The following CA12 variants were observed in gnomAD, a reference collection of about 807,000 sequenced individuals.
The protein encoded by CA12 is carbonate dehydratase XII.
In CA12, 36 loss-of-function variants were observed where a neutral mutation model predicts 46.8. That is an observed-to-expected ratio of 0.77 (90% CI 0.59 to 1.02). The LOEUF is 1.02. Among genes scored for constraint, CA12 ranks in the 50% least tolerant of loss-of-function variants. The pLI is 0.00. For missense variants in CA12, 436 were observed against 451.4 expected (o/e 0.97, Z 0.31); for synonymous variants, 202 against 187.0 (o/e 1.08, Z -0.65).
rs755696332 is a variant in CA12 at position 63,346,703 on chromosome 15, T to C, written c.113A>G (p.Asp38Gly). 1 of 1,614,164 alleles carries C rather than the reference T, an allele frequency of 6.2e-7. No individual in the cohort carries two copies. ...NGSKWTYFGP[D>G]GENSWSKKYP... ...CTTCTTGGACCAGCTATTCTCCCCA[T>C]CAGGACCTGGACACAGAGATCCATG... The change falls in exon 3 of 11, where the codon GAT becomes GGT. Residue 38 changes from aspartate (D) to glycine (G), a missense_variant. Asp to Gly is a moderately conservative substitution (Grantham distance 94). Coordinates refer to ENST00000178638, the MANE Select transcript of CA12 (RefSeq NM_001218.5).
Position 63,340,203 on chromosome 15 carries a change from G to A in CA12, c.747+85C>T. 6.9e-7 allele frequency: 1 copy of A among 1,448,136 alleles called. No homozygotes were observed. Among genetic ancestry groups the A allele is most frequent in the Non-Finnish European group, 9.7e-7 (1 of 1,034,032 alleles). The allele number at this position is 1,448,136 out of a possible 1,614,324, so 89.7% of individuals were successfully genotyped here. On this transcript the variant is annotated intron_variant, in intron 7 of 10. Transcript: ENST00000178638. This position sits in a 1 kb window ranked among gnomAD's most constrained non-coding sequence, Gnocchi z 4.4. ...AGAGCTGCCAATGAAACTAAATGAG[G>A]AAATCAAGTCATTGATTGTGATATG... is the stretch of plus-strand genomic sequence containing the variant.
In CA12 at chr15:63,329,333, G is replaced by C. The variant is rs2038907082; in HGVS notation, c.875-1203C>G. ...CTCAGTGTGGCTGAACCCGTGCCCA[G>C]CTACCTAAGTCTCACAGTCAGCCTA... On this transcript the variant is annotated intron_variant, in intron 8 of 10. Transcript: ENST00000178638. The surrounding 1 kb of genome is among the most constrained non-coding windows in gnomAD (Gnocchi z 4.8). 6.6e-6 allele frequency among the ~76,000 whole-genome samples: 1 copy of C among 152,118 alleles called. No individual in the cohort carries two copies. The highest frequency in any genetic ancestry group is 6.5e-5 in the Admixed American group (1 of 15,282).
rs1234280989 is a variant in CA12, at chr15:63,330,651, G to A, written c.875-2521C>T. 6.6e-6 allele frequency among the ~76,000 whole-genome samples: 1 copy of A among 152,178 alleles called. No individual in the cohort carries two copies. The highest frequency in any genetic ancestry group is 1.9e-4 in the East Asian group (1 of 5,186). On this transcript the variant is annotated intron_variant, in intron 8 of 10. Coordinates refer to ENST00000178638, the MANE Select transcript of CA12 (RefSeq NM_001218.5). This position sits in a 1 kb window ranked among gnomAD's most constrained non-coding sequence, Gnocchi z 4.0. ...CCTTCATGCCTGGTCTTGGGGAGCT[G>A]AGCAAAGTCTATGGAGAGCAAGGCC...
rs776920111 is a variant in CA12, at chr15:63,372,770, TAGCTGTCTTCC to T, written c.106+2877_106+2887del. On this transcript the variant is annotated intron_variant, in intron 2 of 10. Transcript: ENST00000178638. This position sits in a 1 kb window ranked among gnomAD's most constrained non-coding sequence, Gnocchi z 4.5. ...AGACCTCAGGAGGAGTTTGCCTCCT[TAGCTGTCTTCC>T]ATCTGTCCTCTCCTGCACGTCCCCT... 2.6e-5 allele frequency among the ~76,000 whole-genome samples: 4 copies of T among 152,180 alleles called. No homozygotes were observed. The highest frequency in any genetic ancestry group is 5.9e-5 in the Non-Finnish European group (4 of 68,028).
chr15:63,329,787 G>A lies in CA12; in HGVS notation c.875-1657C>T, dbSNP rs2038911831. ...CTCCCTTGGGGCCCTTAACAGCCTG[G>A]GGAACCAGATCTGAGGCTGCAGGGT... is the stretch of plus-strand genomic sequence containing the variant. On this transcript the variant is annotated intron_variant, in intron 8 of 10. Coordinates refer to ENST00000178638, the MANE Select transcript of CA12 (RefSeq NM_001218.5). The surrounding 1 kb of genome is among the most constrained non-coding windows in gnomAD (Gnocchi z 4.8). Among the ~76,000 whole-genome samples, 1 of 152,164 alleles carries A rather than the reference G, an allele frequency of 6.6e-6. No individual in the cohort carries two copies.
rs1314231439 is a variant in CA12 at position 63,327,144 on chromosome 15, C to A, written c.992+5G>T. On this transcript the variant is annotated splice_donor_5th_base_variant and intron_variant, in intron 10 of 10. Coordinates refer to ENST00000178638, the MANE Select transcript of CA12 (RefSeq NM_001218.5). This position sits in a 1 kb window ranked among gnomAD's most constrained non-coding sequence, Gnocchi z 4.5. ...CATTCCCATTTTGGACCCAAACCAGCTCACCTCTTCCTTCTGAAAAGCCAA... is the reference window on the plus strand; with the variant it reads ...CATTCCCATTTTGGACCCAAACCAGATCACCTCTTCCTTCTGAAAAGCCAA... 1.9e-6 allele frequency: 3 copies of A among 1,613,512 alleles called. No individual in the cohort carries two copies. The Admixed American group carries it at 5.0e-5, about 27-fold the overall frequency.
At position 63,330,072 on chromosome 15, in the gene CA12, G is replaced by T. The variant is rs1208555314; in HGVS notation, c.875-1942C>A. Among the ~76,000 whole-genome samples the T allele has an allele frequency of 6.6e-6, 1 of 152,158 alleles. No individual in the cohort carries two copies. The highest frequency in any genetic ancestry group is 1.5e-5 in the Non-Finnish European group (1 of 68,010). On this transcript the variant is annotated intron_variant, in intron 8 of 10. Transcript: ENST00000178638. This position sits in a 1 kb window ranked among gnomAD's most constrained non-coding sequence, Gnocchi z 4.0. ...CAGGGAAGCCTATTCTCCCTACTCT[G>T]CTCACCACCACCAGCTGCTCATGAC... is the stretch of plus-strand genomic sequence containing the variant.
At chr15:63,343,967 A>G (rs1022477239) in intron 4 of CA12, among the ~76,000 whole-genome samples, 3 of 152,192 alleles carry the variant, frequency 2.0e-5, no homozygotes, top group South Asian at 2.1e-4. Flanking sequence ...TGTGGGCCGC[A>G]AGGTCTTTAC....
At chr15:63,332,056 T>G (rs1038868752) in intron 8 of CA12, among the ~76,000 whole-genome samples, 1 of 152,198 alleles carries the variant, frequency 6.6e-6, no homozygotes, top group Admixed American at 6.5e-5. Context: ...CTTAGCCGTC[T>G]CCAGCCTTGT....
chr15:63,326,733 A>C (rs923691799), intron 10 of CA12, among the ~76,000 whole-genome samples: 1 of 152,240 alleles, frequency 6.6e-6, no homozygotes, highest in Non-Finnish European at 1.5e-5. Context: ...AAACATGGAC[A>C]AAGGGCATGA....
chr15:63,362,670 C>T (rs2039378701), intron 2 of CA12, among the ~76,000 whole-genome samples: 1 of 152,188 alleles, frequency 6.6e-6, no homozygotes, highest in Non-Finnish European at 1.5e-5. Context: ...GGCCGCTGGA[C>T]GTTGACCTGA....
intron 2 of CA12, among the ~76,000 whole-genome samples, chr15:63,349,924 C>T (rs2039205259): frequency 6.6e-6 from 1 of 152,188 alleles, no homozygotes; most frequent in South Asian, 2.1e-4. Context: ...TTAATTCCCT[C>T]ATGTATTTCT....
At position 63,375,684 on chromosome 15, in the gene CA12, A is replaced by G; in HGVS notation, c.86-6T>C. ...AAAATAAGTCCACTTGGAACCTACA[A>G]AGAACAAAACACAGTAAGTAAGTAC... is the stretch of plus-strand genomic sequence containing the variant. On this transcript the variant is annotated splice_polypyrimidine_tract_variant and splice_region_variant and intron_variant, in intron 1 of 10. Coordinates refer to ENST00000178638, the MANE Select transcript of CA12 (RefSeq NM_001218.5). 2.5e-6 allele frequency: 4 copies of G among 1,577,712 alleles called. No homozygotes were observed. Among genetic ancestry groups the G allele is most frequent in the Non-Finnish European group, 3.5e-6 (4 of 1,148,928 alleles).
At chr15:63,326,387 T>C (rs1595772231) in intron 10 of CA12, 30 bp from the exon 11 acceptor site, 1 of 1,583,526 alleles carries the variant, frequency 6.3e-7, no homozygotes, top group Non-Finnish European at 8.7e-7. Context: ...TAACTCTTGT[T>C]AGAGAGGAGA....
At position 63,325,320 on chromosome 15, in the gene CA12, A is replaced by C. The variant is rs2038851262; in HGVS notation, c.*965T>G. ...TTCTGCCTATTTCCTCCAGATTCAA[A>C]GGCAGATTGGGTCATCTCGGAACTC... On this transcript the variant is annotated 3_prime_UTR_variant, in exon 11 of 11. Transcript: ENST00000178638. The surrounding 1 kb of genome is among the most constrained non-coding windows in gnomAD (Gnocchi z 4.9). 1 of 152,216 alleles carries C rather than the reference A, an allele frequency of 6.6e-6. No individual in the cohort carries two copies. Among genetic ancestry groups the C allele is most frequent in the Non-Finnish European group, 1.5e-5 (1 of 68,048 alleles). The allele number at this position is 152,216 out of a possible 1,614,324, so 9.4% of individuals were successfully genotyped here.
Position 63,325,847 on chromosome 15 carries a change from T to G in CA12, c.*438A>C. ...CCGTCTCCAGAGGAAAGAAGTTGAG[T>G]TTCCCAAGCAAAACCTAAGCAGAGA... On this transcript the variant is annotated 3_prime_UTR_variant, in exon 11 of 11. Coordinates refer to ENST00000178638, the MANE Select transcript of CA12 (RefSeq NM_001218.5). This position sits in a 1 kb window ranked among gnomAD's most constrained non-coding sequence, Gnocchi z 4.9. 3.0e-5 allele frequency: 6 copies of G among 202,228 alleles called. No individual in the cohort carries two copies. Among genetic ancestry groups the G allele is most frequent in the South Asian group, 9.2e-5 (1 of 10,826 alleles). The allele number at this position is 202,228 out of a possible 1,614,324, so 12.5% of individuals were successfully genotyped here.
chr15:63,342,371 A>G (rs1445971959), intron 4 of CA12, among the ~76,000 whole-genome samples: 2 of 152,186 alleles, frequency 1.3e-5, no homozygotes, highest in African/African-American at 2.4e-5. Flanking sequence ...AGGGCAGGAA[A>G]ACTCAAATTG....
rs1234868421 is a variant in CA12 at position 63,378,398 on chromosome 15, T to A, written c.86-2720A>T. Among the ~76,000 whole-genome samples the A allele has an allele frequency of 2.6e-5, 4 of 151,642 alleles. No individual in the cohort carries two copies. The highest frequency in any genetic ancestry group is 9.7e-5 in the African/African-American group (4 of 41,278). On this transcript the variant is annotated intron_variant, in intron 1 of 10. Coordinates refer to ENST00000178638, the MANE Select transcript of CA12 (RefSeq NM_001218.5). The surrounding 1 kb of genome is among the most constrained non-coding windows in gnomAD (Gnocchi z 4.8). The stretch of plus-strand genomic sequence containing the variant: ...GCGAGACTCTGTCTCAAAAAAAAAA[T>A]TTCCCTAAGCTTAGACACATAAAGT...
rs1487740019 is a variant in CA12, at chr15:63,341,241, T to C, written c.526-458A>G. Among the ~76,000 whole-genome samples, 1 of 152,120 alleles carries C rather than the reference T, an allele frequency of 6.6e-6. No homozygotes were observed. The highest frequency in any genetic ancestry group is 1.5e-5 in the Non-Finnish European group (1 of 68,028). ...TATCTTGGGATAAAAAAAGAATTCATTCCAGGGTACATATAGAGCAGGGGT... is the reference window on the plus strand; with the variant it reads ...TATCTTGGGATAAAAAAAGAATTCACTCCAGGGTACATATAGAGCAGGGGT... On this transcript the variant is annotated intron_variant, in intron 5 of 10. Transcript: ENST00000178638. This position sits in a 1 kb window ranked among gnomAD's most constrained non-coding sequence, Gnocchi z 5.2.
Sources: allele counts gnomAD v4.1 joint callset (sites outside exome capture counted in the v4.1 genomes callset), GRCh38; gene constraint gnomAD v4.1.1; non-coding constraint Gnocchi (gnomAD v3.1); transcripts MANE v1.5; gene names NCBI Gene and HGNC (gene_info 2026-07-23, HGNC 2026-07-21).